The following TECPR2 variants were observed in gnomAD, a reference collection of about 807,000 sequenced individuals.
The protein encoded by TECPR2 is tectonin beta-propeller repeat-containing protein 2.
A neutral mutation model predicts 138.1 loss-of-function variants in TECPR2; 65 were observed. The observed-to-expected ratio is 0.47, with a 90% CI of 0.39 to 0.58. The LOEUF (loss-of-function observed/expected upper bound fraction) is 0.58, where lower values mean the gene tolerates loss of function less well. Among genes scored for constraint, TECPR2 ranks in the 20% least tolerant of loss-of-function variants. The probability of loss-of-function intolerance (pLI) is 0.00; values close to 1 mark genes in which losing one functional copy is unlikely to be tolerated. For synonymous variants in TECPR2, 746 were observed against 749.8 expected, an observed-to-expected ratio of 0.99 and a Z score of 0.08; for missense variants, 1,553 against 1,824.5, an observed-to-expected ratio of 0.85 and a Z score of 2.71.
intron 4 of TECPR2, among the ~76,000 whole-genome samples, chr14:102,411,699 CAAAAAAA>C (rs1173849759): frequency 0.02 from 913 of 46,818 alleles, 3 homozygotes; most frequent in Non-Finnish European, 0.024. Flanking sequence ...CCATGTTGCT[CAAAAAAA>C]AAAAAAAAAA....
chr14:102,445,736 T>A, intron 12 of TECPR2, 70 bp from the exon 13 acceptor site: 1 of 1,508,408 alleles, frequency 6.6e-7, no homozygotes, highest in South Asian at 1.3e-5. Context: ...ACCCTGGATG[T>A]CCGCAGTCCA....
chr14:102,395,341 T>G (rs993471721), intron 2 of TECPR2, among the ~76,000 whole-genome samples: 2 of 152,224 alleles, frequency 1.3e-5, no homozygotes, highest in Non-Finnish European at 2.9e-5. Context: ...TATAAATTAC[T>G]CTATTGAAGA....
chr14:102,490,811 G>A (rs1891141587), intron 17 of TECPR2, among the ~76,000 whole-genome samples: 1 of 152,234 alleles, frequency 6.6e-6, no homozygotes. Flanking sequence ...TGTTCTACCT[G>A]CCCTTCCCTG....
chr14:102,477,637 G>A (rs1396734134), intron 17 of TECPR2, among the ~76,000 whole-genome samples: 4 of 140,040 alleles, frequency 2.9e-5, no homozygotes, highest in East Asian at 2.2e-4. Flanking sequence ...TGCAAGCTCC[G>A]CCTCCTGGGT....
chr14:102,449,184 A>G (rs1431238085), intron 13 of TECPR2, among the ~76,000 whole-genome samples: 2 of 152,108 alleles, frequency 1.3e-5, no homozygotes, highest in Non-Finnish European at 2.9e-5. Flanking sequence ...CCTGGAAGTC[A>G]AGGCTGAGTA....
chr14:102,496,812 C>T (rs1235143467), intron 17 of TECPR2, 167 bp from the exon 18 acceptor site: 8 of 980,000 alleles, frequency 8.2e-6, no homozygotes, highest in African/African-American at 3.3e-5. Flanking sequence ...GTGACCATCT[C>T]CCCCGTGAGA....
At chr14:102,428,498 C>T (rs559346561) in intron 7 of TECPR2, 116 bp downstream of exon 7, 18 of 1,475,298 alleles carry the variant, frequency 1.2e-5, no homozygotes, top group African/African-American at 4.3e-5. Flanking sequence ...TGGTGGCTCA[C>T]GCCTGTAATC....
At chr14:102,425,649 T>C (rs147873364) in intron 6 of TECPR2, among the ~76,000 whole-genome samples, 6,073 of 150,356 alleles carry the variant, frequency 0.04, 140 homozygotes, top group Middle Eastern at 0.096. Context: ...GATCTCGGCT[T>C]ACTGCAACCT....
chr14:102,440,315 G>T, intron 10 of TECPR2, 121 bp from the exon 11 acceptor site: 1 of 1,349,866 alleles, frequency 7.4e-7, no homozygotes. Context: ...TCCCCACTTG[G>T]GGGGACAGAA....
chr14:102,416,282 C>T (rs1427149806), intron 5 of TECPR2, among the ~76,000 whole-genome samples: 3 of 152,036 alleles, frequency 2.0e-5, no homozygotes, highest in East Asian at 1.9e-4. Context: ...CCACCACACC[C>T]GGCTAATTTT....
intron 16 of TECPR2, among the ~76,000 whole-genome samples, chr14:102,461,331 A>C (rs1178158735): frequency 6.6e-6 from 1 of 152,340 alleles, no homozygotes; most frequent in East Asian, 1.9e-4. Flanking sequence ...ATGAAGAACT[A>C]TTCAGTGTCA....
Position 102,416,482 on chromosome 14 carries a change from C to G in TECPR2, c.638+1689C>G, listed in dbSNP as rs138136288. ...CTTTTTATATCTGCAGTCTCCCTTTCGGTCCCTGGAGAACTCAGTGGAATT... is the reference window on the plus strand; with the variant it reads ...CTTTTTATATCTGCAGTCTCCCTTTGGGTCCCTGGAGAACTCAGTGGAATT... On this transcript the variant is annotated intron_variant, in intron 5 of 19. Coordinates refer to ENST00000359520, the MANE Select transcript of TECPR2 (RefSeq NM_014844.5). Among the ~76,000 whole-genome samples the G allele has an allele frequency of 3.9e-5, 6 of 152,326 alleles. No homozygotes were observed. The East Asian group carries it at 1.2e-3, about 29-fold the overall frequency.
At chr14:102,381,446 T>C (rs370691389) in intron 2 of TECPR2, among the ~76,000 whole-genome samples, 173 of 152,322 alleles carry the variant, frequency 1.1e-3, no homozygotes, top group African/African-American at 3.9e-3. Flanking sequence ...TAGTGGCTCA[T>C]GCCTGTAATC....
At chr14:102,489,752 G>A (rs956583167) in intron 17 of TECPR2, among the ~76,000 whole-genome samples, 1 of 150,404 alleles carries the variant, frequency 6.6e-6, no homozygotes, top group African/African-American at 2.5e-5. Context: ...TGAGTGATAC[G>A]TGCTCTCTCT....
intron 17 of TECPR2, among the ~76,000 whole-genome samples, chr14:102,491,628 C>A (rs1251336948): frequency 6.6e-6 from 1 of 152,134 alleles, no homozygotes; most frequent in African/African-American, 2.4e-5. Flanking sequence ...GGCCTCACCA[C>A]TGGGCTGCAG....
intron 16 of TECPR2, among the ~76,000 whole-genome samples, chr14:102,461,755 G>A (rs909942618): frequency 2.6e-5 from 4 of 152,162 alleles, no homozygotes; most frequent in Admixed American, 2.0e-4. Flanking sequence ...CCACCATCTC[G>A]GTTCCTTCTG....
Position 102,443,511 on chromosome 14 carries a change from GT to G in TECPR2, c.2753-127del, listed in dbSNP as rs372294560. 1,070 of 763,196 alleles carry G rather than the reference GT, an allele frequency of 1.4e-3. 9 individuals carry two copies. The African/African-American group carries it at 0.016, about 12-fold the overall frequency. 47.3% of individuals were successfully genotyped at this position (763,196 alleles called of 1,614,324 possible). A position where few individuals can be genotyped will look rare whatever the true frequency, so the allele number is the denominator to read the frequency against. ...ATTTTTAATTAATTAATTAATTAAA[GT>G]TTTTTTTTAAAGCACTCATCATAAA... On this transcript the variant is annotated intron_variant, in intron 11 of 19. Transcript: ENST00000359520. The surrounding 1 kb of genome is among the most constrained non-coding windows in gnomAD (Gnocchi z 4.9).
chr14:102,469,303 G>A (rs1204777072), intron 17 of TECPR2, among the ~76,000 whole-genome samples: 2 of 152,088 alleles, frequency 1.3e-5, no homozygotes, highest in African/African-American at 2.4e-5. Context: ...GCTTTTGTTA[G>A]GTTTATTTCT....
Position 102,434,385 on chromosome 14 carries a change from C to T in TECPR2, c.1568C>T (p.Ser523Phe). The T allele has an allele frequency of 6.5e-7, 1 of 1,531,284 alleles. No homozygotes were observed. Among genetic ancestry groups the T allele is most frequent in the South Asian group, 1.3e-5 (1 of 76,820 alleles). 94.9% of individuals were successfully genotyped at this position (1,531,284 alleles called of 1,614,324 possible). The stretch of plus-strand genomic sequence containing the variant: ...AGCGTGGATCAGTTAAGTGCAGAGT[C>T]TCCAGACCAGGAAAGCAGCTTCAAT... ...GSSVDQLSAE[S>F]PDQESSFNGE... The change falls in exon 9 of 20, where the codon TCT becomes TTT. Residue 523 changes from serine to phenylalanine, a missense_variant. By Grantham distance (155) the Ser-to-Phe change is radical (BLOSUM62 -2). Transcript: ENST00000359520.
Sources: allele counts gnomAD v4.1 joint callset (sites outside exome capture counted in the v4.1 genomes callset), GRCh38; gene constraint gnomAD v4.1.1; non-coding constraint Gnocchi (gnomAD v3.1); transcripts MANE v1.5; gene names NCBI Gene and HGNC (gene_info 2026-07-23, HGNC 2026-07-21).